The following PEX10 variants were observed in gnomAD, a reference collection of about 807,000 sequenced individuals.
PEX10 encodes the protein peroxisome biogenesis factor 10.
In PEX10, 32 loss-of-function variants were observed where a neutral mutation model predicts 38.0. That is an observed-to-expected ratio of 0.84 (90% CI 0.63 to 1.13). The LOEUF (loss-of-function observed/expected upper bound fraction) is 1.13. Among genes scored for constraint, PEX10 ranks in the 50% most tolerant of loss-of-function variants. The pLI, the probability that PEX10 is intolerant of heterozygous loss-of-function variation, is 0.00. For missense variants in PEX10, 483 were observed against 457.7 expected (o/e 1.06, Z -0.51); for synonymous variants, 206 against 207.3 (o/e 0.99, Z 0.05).
chr1:2,406,975 A>G lies in PEX10; in HGVS notation c.601-80T>C. The stretch of plus-strand genomic sequence containing the variant: ...CGCCTGCTGGGAGGGTCACACGTTC[A>G]GTTGGCACAGAGCACGTTAGAACCA... On this transcript the variant is annotated intron_variant, in intron 3 of 5. Transcript: ENST00000447513. 6.5e-7 allele frequency: 1 copy of G among 1,545,984 alleles called. No individual in the cohort carries two copies. Among genetic ancestry groups the G allele is most frequent in the Non-Finnish European group, 8.8e-7 (1 of 1,140,164 alleles).
intron 5 of PEX10, among the ~76,000 whole-genome samples, chr1:2,406,216 G>T (rs1210471608): frequency 6.6e-6 from 1 of 152,190 alleles, no homozygotes; most frequent in Non-Finnish European, 1.5e-5. Flanking sequence ...GGTGTGCTGG[G>T]ATGCGTGGTG....
In PEX10 at chr1:2,408,581, C is replaced by A. The variant is rs748545159; in HGVS notation, c.471G>T (p.Arg157Ser). ...HHTATLTEQQ[R>S]RALLRAVFVL... ...CGAAGACCGCCCGCAGCAGCGCCCT[C>A]CTCTGCTGCTCAGTCAGGGTGGCCG... The change falls in exon 3 of 6, where the codon AGG becomes AGT. Residue 157 changes from arginine (R) to serine (S), a missense_variant. Physicochemically the swap from Arg to Ser is moderately radical, Grantham distance 110. Transcript: ENST00000447513. The A allele has an allele frequency of 5.0e-6, 8 of 1,611,914 alleles. No homozygotes were observed. The East Asian group carries it at 1.6e-4, about 31-fold the overall frequency.
At chr1:2,411,484 C>T (rs1309331262) in intron 1 of PEX10, among the ~76,000 whole-genome samples, 1 of 152,016 alleles carries the variant, frequency 6.6e-6, no homozygotes, top group Non-Finnish European at 1.5e-5. Context: ...CCACCCGCCT[C>T]GGCCTCCCAA....
At chr1:2,406,346 C>T in intron 5 of PEX10, 138 bp downstream of exon 5, 1 of 1,164,470 alleles carries the variant, frequency 8.6e-7, no homozygotes, top group Non-Finnish European at 1.3e-6. Context: ...ACCTGGGAGC[C>T]TTTAAAAAGA....
chr1:2,412,665 G>C (rs1643294280), upstream of PEX10: 1 of 465,482 alleles, frequency 2.1e-6, no homozygotes, highest in Non-Finnish European at 3.4e-6. Flanking sequence ...CCAGGGCCCG[G>C]GCGGAAGCGG....
rs1643143710 is a variant in PEX10, at chr1:2,410,306, G to A, written c.193+65C>T. ...TCTCACACTGCCTGGCAGCCCCCTG[G>A]CCACCGTCCCCAGACTTGGTGTGTG... On this transcript the variant is annotated intron_variant, in intron 2 of 5. Transcript: ENST00000447513. This position sits in a 1 kb window ranked among gnomAD's most constrained non-coding sequence, Gnocchi z 5.1. 1.4e-6 allele frequency: 2 copies of A among 1,415,668 alleles called. No individual in the cohort carries two copies. The highest frequency in any genetic ancestry group is 2.3e-5 in the East Asian group (1 of 43,860). The allele number at this position is 1,415,668 out of a possible 1,614,324, so 87.7% of individuals were successfully genotyped here. A position where few individuals can be genotyped will look rare whatever the true frequency, so the allele number is the denominator to read the frequency against.
Position 2,410,331 on chromosome 1 carries a change from G to A in PEX10, c.193+40C>T, listed in dbSNP as rs752331746. 1.3e-6 allele frequency: 2 copies of A among 1,551,324 alleles called. No homozygotes were observed. The highest frequency in any genetic ancestry group is 2.2e-5 in the East Asian group (1 of 44,576). On this transcript the variant is annotated intron_variant, in intron 2 of 5. Coordinates refer to ENST00000447513, the MANE Select transcript of PEX10 (RefSeq NM_002617.4). The surrounding 1 kb of genome is among the most constrained non-coding windows in gnomAD (Gnocchi z 5.1). ...GCCACCGTCCCCAGACTTGGTGTGTGTGGCTGCCCTCAGTCCTGAGGTCCC... is the reference window on the plus strand; with the variant it reads ...GCCACCGTCCCCAGACTTGGTGTGTATGGCTGCCCTCAGTCCTGAGGTCCC...
rs375649043 is a variant in PEX10 at position 2,408,777 on chromosome 1, C to T, written c.275G>A (p.Arg92His). The T allele has an allele frequency of 1.3e-4, 202 of 1,613,852 alleles. No individual in the cohort carries two copies. Among genetic ancestry groups the T allele is most frequent in the Middle Eastern group, 8.2e-4 (5 of 6,084 alleles). ...SRIHVPSSLRRGVLVTLHAVL... is the reference protein window; with the variant it reads ...SRIHVPSSLRHGVLVTLHAVL... ...GGCATGCAGTGTCACCAGCACGCCA[C>T]GGCGCAGCGAGGAGGGCACATGTAT... The change falls in exon 3 of 6, where the codon CGT (arginine) becomes CAT (histidine). Residue 92 changes from arginine to histidine, a missense_variant. By Grantham distance (29) the Arg-to-His change is conservative. Transcript: ENST00000447513.
rs755636065 is a variant in PEX10, at chr1:2,407,036, C to T, written c.601-141G>A. On this transcript the variant is annotated intron_variant, in intron 3 of 5. Coordinates refer to ENST00000447513, the MANE Select transcript of PEX10 (RefSeq NM_002617.4). Reference sequence around the variant, plus strand: ...TGGCATGGGGAGTGCCCGGCAGAAACGATCAAGCCAGGGGGCAGGTTCAGG... The same window carrying T: ...TGGCATGGGGAGTGCCCGGCAGAAATGATCAAGCCAGGGGGCAGGTTCAGG... 7.4e-6 allele frequency: 9 copies of T among 1,220,980 alleles called. No individual in the cohort carries two copies. The East Asian group carries it at 7.6e-5, about 10-fold the overall frequency. The allele number at this position is 1,220,980 out of a possible 1,614,324, so 75.6% of individuals were successfully genotyped here. A position where few individuals can be genotyped will look rare whatever the true frequency, so the allele number is the denominator to read the frequency against.
chr1:2,406,630 T>C lies in PEX10; in HGVS notation c.777-11A>G, dbSNP rs1557908644. The C allele has an allele frequency of 1.2e-6, 2 of 1,613,022 alleles. No individual in the cohort carries two copies. Among genetic ancestry groups the C allele is most frequent in the African/African-American group, 1.3e-5 (1 of 75,006 alleles). ...TCCTCCAAGGAGGCCCTGGGGAAGG[T>C]GGGGCAGAGCGTCAAGGTGGGTGCA... On this transcript the variant is annotated splice_polypyrimidine_tract_variant and intron_variant, in intron 4 of 5. Coordinates refer to ENST00000447513, the MANE Select transcript of PEX10 (RefSeq NM_002617.4).
intron 3 of PEX10, among the ~76,000 whole-genome samples, chr1:2,407,728 C>T (rs927341170): frequency 3.9e-5 from 6 of 152,026 alleles, no homozygotes; most frequent in Non-Finnish European, 7.4e-5. Context: ...TGTGTGGAGG[C>T]GGGGTTGCCT....
Position 2,410,255 on chromosome 1 carries a change from C to T in PEX10, c.193+116G>A. On this transcript the variant is annotated intron_variant, in intron 2 of 5. Transcript: ENST00000447513. The surrounding 1 kb of genome is among the most constrained non-coding windows in gnomAD (Gnocchi z 5.1). ...TACCTCCTGCACTTCCCTGAAGCAA[C>T]CTCACCCGGGCCAGCTCCAGGAGCT... is the stretch of plus-strand genomic sequence containing the variant. 1.1e-6 allele frequency: 1 copy of T among 899,106 alleles called. No homozygotes were observed. Among genetic ancestry groups the T allele is most frequent in the Non-Finnish European group, 1.8e-6 (1 of 548,876 alleles). The allele number at this position is 899,106 out of a possible 1,614,324, so 55.7% of individuals were successfully genotyped here.
rs372574195 is a variant in PEX10, at chr1:2,406,798, C to T, written c.698G>A (p.Gly233Glu). The T allele has an allele frequency of 1.2e-6, 2 of 1,610,858 alleles. No individual in the cohort carries two copies. The highest frequency in any genetic ancestry group is 2.7e-5 in the African/African-American group (2 of 74,926). Residue 233 changes from glycine (G) to glutamate (E), a missense_variant, in exon 4 of 6, where the codon GGG (glycine) becomes GAG (glutamate). Physicochemically the swap from Gly to Glu is moderately conservative, Grantham distance 98 (BLOSUM62 -2). Coordinates refer to ENST00000447513, the MANE Select transcript of PEX10 (RefSeq NM_002617.4). Reference protein sequence around the residue: ...ISLLHLVLSMGLQLYGFRQRQ... With the variant: ...ISLLHLVLSMELQLYGFRQRQ... ...CTGCCTGAAACCGTACAGCTGCAGCCCCATGGACAGCACCAGGTGCAGCAG... is the reference window on the plus strand; with the variant it reads ...CTGCCTGAAACCGTACAGCTGCAGCTCCATGGACAGCACCAGGTGCAGCAG...
Position 2,404,100 on chromosome 1 carries a change from G to A in PEX10, c.*1666C>T, listed in dbSNP as rs1156642625. On this transcript the variant is annotated 3_prime_UTR_variant, in exon 6 of 6. Coordinates refer to ENST00000447513, the MANE Select transcript of PEX10 (RefSeq NM_002617.4). ...TATTGCACAGCAGAACATCACAGCTGTGGTCCCAGATGAGACACTGACATG... is the reference window on the plus strand; with the variant it reads ...TATTGCACAGCAGAACATCACAGCTATGGTCCCAGATGAGACACTGACATG... 1 of 152,268 alleles carries A rather than the reference G, an allele frequency of 6.6e-6. No homozygotes were observed. The highest frequency in any genetic ancestry group is 1.5e-5 in the Non-Finnish European group (1 of 68,056). 9.4% of individuals were successfully genotyped at this position (152,268 alleles called of 1,614,324 possible). A position where few individuals can be genotyped will look rare whatever the true frequency, so the allele number is the denominator to read the frequency against.
intron 1 of PEX10, among the ~76,000 whole-genome samples, chr1:2,411,513 G>T (rs1349281919): frequency 1.3e-5 from 2 of 151,196 alleles, no homozygotes; most frequent in Non-Finnish European, 2.9e-5. Flanking sequence ...GATTACAGGC[G>T]TGAGCCACCA....
chr1:2,413,079 G>A (rs1327684556), upstream of PEX10, among the ~76,000 whole-genome samples: 1 of 152,248 alleles, frequency 6.6e-6, no homozygotes, highest in Admixed American at 6.5e-5. Context: ...CCAGTTCCGG[G>A]GAGCCGGTCG....
rs956940950 is a variant in PEX10 at position 2,405,703 on chromosome 1, C to G, written c.*63G>C. ...TGTGCAAGCAAGGTTAATCCTGAGA[C>G]TAAATCTTGGCGTTCAGACTCCCGT... On this transcript the variant is annotated 3_prime_UTR_variant, in exon 6 of 6. Coordinates refer to ENST00000447513, the MANE Select transcript of PEX10 (RefSeq NM_002617.4). The G allele has an allele frequency of 7.2e-7, 1 of 1,394,416 alleles. No homozygotes were observed. The highest frequency in any genetic ancestry group is 1.4e-5 in the African/African-American group (1 of 70,158). The allele number at this position is 1,394,416 out of a possible 1,614,324, so 86.4% of individuals were successfully genotyped here.
chr1:2,408,425 G>A, intron 3 of PEX10, 27 bp downstream of exon 3: 1 of 1,612,244 alleles, frequency 6.2e-7, no homozygotes, highest in Non-Finnish European at 8.5e-7. Context: ...GGCCTAAGCA[G>A]CTGTGCCCTC....
chr1:2,410,757 G>A lies in PEX10; in HGVS notation c.113-306C>T, dbSNP rs1288298200. 4 of 509,514 alleles carry A rather than the reference G, an allele frequency of 7.9e-6. No homozygotes were observed. The highest frequency in any genetic ancestry group is 1.5e-5 in the Non-Finnish European group (4 of 262,388). The allele number at this position is 509,514 out of a possible 1,614,324, so 31.6% of individuals were successfully genotyped here. A position where few individuals can be genotyped will look rare whatever the true frequency, so the allele number is the denominator to read the frequency against. Reference sequence around the variant, plus strand: ...ATGGAAAGATGGTCTGGGGTATTAAGATTACAGGCCAGAGGCCAACTGTCT... The same window carrying A: ...ATGGAAAGATGGTCTGGGGTATTAAAATTACAGGCCAGAGGCCAACTGTCT... On this transcript the variant is annotated intron_variant, in intron 1 of 5. Transcript: ENST00000447513. The surrounding 1 kb of genome is among the most constrained non-coding windows in gnomAD (Gnocchi z 5.1).
Sources: allele counts gnomAD v4.1 joint callset (sites outside exome capture counted in the v4.1 genomes callset), GRCh38; gene constraint gnomAD v4.1.1; non-coding constraint Gnocchi (gnomAD v3.1); transcripts MANE v1.5; gene names NCBI Gene and HGNC (gene_info 2026-07-23, HGNC 2026-07-21).